Variants in ADAM23 observed in about 807,000 individuals in gnomAD.
ADAM23 encodes ADAM metallopeptidase domain 23, also known as disintegrin and metalloproteinase domain-containing protein 23.
Under a neutral mutation model 120.1 loss-of-function variants are expected in ADAM23, and 33 were observed. The ratio of observed to expected loss-of-function variants is 0.27; its 90% CI spans 0.21 to 0.37. The LOEUF is 0.37. Ranked by LOEUF, ADAM23 falls within the 10% of genes least tolerant of loss-of-function variation. ADAM23 has a pLI of 1.00. For synonymous variants in ADAM23, 367 were observed against 375.2 expected, an observed-to-expected ratio of 0.98 and a Z score of 0.25; for missense variants, 862 against 1,058.2, an observed-to-expected ratio of 0.81 and a Z score of 2.57.
chr2:206,589,367 GA>G (rs1338401985), intron 20 of ADAM23, 41 bp from the exon 21 acceptor site: 2 of 1,558,062 alleles, frequency 1.3e-6, no homozygotes, highest in East Asian at 4.6e-5. Context: ...GGATAACAAA[GA>G]AAATGAAAAT....
At chr2:206,508,077 T>G (rs533287337) in intron 3 of ADAM23, among the ~76,000 whole-genome samples, 4 of 152,286 alleles carry the variant, frequency 2.6e-5, no homozygotes, top group South Asian at 2.1e-4. Flanking sequence ...TTTCCCAGGC[T>G]GGAGTGCAGT....
At chr2:206,475,239 C>T (rs371368514) in intron 2 of ADAM23, among the ~76,000 whole-genome samples, 83 of 152,266 alleles carry the variant, frequency 5.5e-4, no homozygotes, top group African/African-American at 1.9e-3. Context: ...TATCATAACA[C>T]AAACCTGTGC....
At position 206,547,519 on chromosome 2, in the gene ADAM23, A is replaced by G. The variant is rs760764236; in HGVS notation, c.793+18A>G. 1.1e-5 allele frequency: 17 copies of G among 1,585,248 alleles called. No individual in the cohort carries two copies. The highest frequency in any genetic ancestry group is 1.2e-5 in the Non-Finnish European group (14 of 1,156,104). ...GAATCTCAGTAAGTTTTAACTAAAA[A>G]TAGCGATTATATTTTATGTAGTATG... On this transcript the variant is annotated intron_variant, in intron 7 of 25. Coordinates refer to ENST00000264377, the MANE Select transcript of ADAM23 (RefSeq NM_003812.4).
At chr2:206,571,198 G>A (rs556115559) in intron 16 of ADAM23, among the ~76,000 whole-genome samples, 21 of 152,318 alleles carry the variant, frequency 1.4e-4, no homozygotes, top group Admixed American at 1.2e-3. Flanking sequence ...TTTCTCGGCC[G>A]GGCGCGGTGG....
intron 25 of ADAM23, among the ~76,000 whole-genome samples, chr2:206,610,265 CT>C (rs1239048067): frequency 1.3e-5 from 2 of 152,168 alleles, no homozygotes; most frequent in African/African-American, 4.8e-5. Context: ...GACAGTCCAG[CT>C]TGTAAGAGCA....
chr2:206,459,290 A>T (rs1343114852), intron 2 of ADAM23, among the ~76,000 whole-genome samples: 3 of 152,172 alleles, frequency 2.0e-5, no homozygotes, highest in Non-Finnish European at 4.4e-5. Flanking sequence ...TGGTTTGTTA[A>T]ACAGTTTTTG....
chr2:206,584,690 T>G (rs1384750858), intron 18 of ADAM23, among the ~76,000 whole-genome samples: 1 of 152,104 alleles, frequency 6.6e-6, no homozygotes, highest in Non-Finnish European at 1.5e-5. Context: ...AAAAGGGCTT[T>G]AGTTCTTCCC....
rs76273165 is a variant in ADAM23, at chr2:206,489,147, C to T, written c.509+7839C>T. Among the ~76,000 whole-genome samples, 1,256 of 152,338 alleles carry T rather than the reference C, an allele frequency of 8.2e-3. 20 individuals carry two copies. The highest frequency in any genetic ancestry group is 0.029 in the African/African-American group (1,192 of 41,570). On this transcript the variant is annotated intron_variant, in intron 3 of 25. Coordinates refer to ENST00000264377, the MANE Select transcript of ADAM23 (RefSeq NM_003812.4). The stretch of plus-strand genomic sequence containing the variant: ...GTAAGACCAGGACAGGAGTCAGGAG[C>T]TGTGGCTGGGGACAGCTTGAGGCAC...
At chr2:206,452,868 G>A (rs865792838) in intron 2 of ADAM23, among the ~76,000 whole-genome samples, 1 of 152,004 alleles carries the variant, frequency 6.6e-6, no homozygotes, top group Non-Finnish European at 1.5e-5. Flanking sequence ...AAGTCTTGAC[G>A]TGTCTCCCAT....
intron 2 of ADAM23, among the ~76,000 whole-genome samples, chr2:206,468,341 A>G (rs1291854283): frequency 6.6e-6 from 1 of 152,204 alleles, no homozygotes; most frequent in African/African-American, 2.4e-5. Flanking sequence ...GCATATGAGC[A>G]TAAGTTGTTT....
chr2:206,621,079 A>C lies in ADAM23; in HGVS notation c.*3452A>C, dbSNP rs915738909. 1 of 152,198 alleles carries C rather than the reference A, an allele frequency of 6.6e-6. No individual in the cohort carries two copies. The highest frequency in any genetic ancestry group is 1.9e-4 in the East Asian group (1 of 5,194). The allele number at this position is 152,198 out of a possible 1,614,324, so 9.4% of individuals were successfully genotyped here. Reference sequence around the variant, plus strand: ...GCCTATGAATGGAGATTCAGTAGTCATTGTATGCATCTTTAAGTCAAATGT... The same window carrying C: ...GCCTATGAATGGAGATTCAGTAGTCCTTGTATGCATCTTTAAGTCAAATGT... On this transcript the variant is annotated 3_prime_UTR_variant, in exon 26 of 26. Coordinates refer to ENST00000264377, the MANE Select transcript of ADAM23 (RefSeq NM_003812.4).
chr2:206,516,307 A>G (rs73983047), intron 3 of ADAM23, among the ~76,000 whole-genome samples: 58 of 152,192 alleles, frequency 3.8e-4, no homozygotes, highest in African/African-American at 1.3e-3. Flanking sequence ...GGAAAAAAAT[A>G]AAGATAATGT....
rs1359501526 is a variant in ADAM23 at position 206,587,359 on chromosome 2, C to A, written c.1772C>A (p.Ala591Glu). 1 of 1,606,712 alleles carries A rather than the reference C, an allele frequency of 6.2e-7. No homozygotes were observed. The highest frequency in any genetic ancestry group is 1.7e-5 in the Admixed American group (1 of 59,128). The change falls in exon 19 of 26, where the codon GCA (alanine) becomes GAA (glutamate). Residue 591 changes from alanine to glutamate, a missense_variant. Around this residue, in one of 4 missense-constraint regions of ADAM23, gnomAD observed 617 missense variants for 813.5 expected, o/e 0.76. Coordinates refer to ENST00000264377, the MANE Select transcript of ADAM23 (RefSeq NM_003812.4). The part of the protein sequence containing the change: ...PPNLHKQDGY[A>E]CNQNQGRCYN... ...AATCTTCATAAGCAAGACGGATATG[C>A]ATGCAATCAAAATCAGGTATGCTGG...
chr2:206,570,773 G>A lies in ADAM23; in HGVS notation c.1528G>A (p.Val510Met), dbSNP rs540276873. 21 of 1,613,878 alleles carry A rather than the reference G, an allele frequency of 1.3e-5. No homozygotes were observed. The highest frequency in any genetic ancestry group is 4.4e-5 in the South Asian group (4 of 91,086). ...FEPTECGNGY[V>M]EAGEECDCGF... ...GCCCACGGAATGTGGAAATGGATAC[G>A]TGGAAGCTGGGGAGGAGTGTGATTG... is the stretch of plus-strand genomic sequence containing the variant. The change falls in exon 16 of 26, where the codon GTG (valine) becomes ATG (methionine). Residue 510 changes from valine (V) to methionine (M), a missense_variant. Val to Met is a conservative substitution (Grantham distance 21). Around this residue, in one of 4 missense-constraint regions of ADAM23, gnomAD observed 617 missense variants for 813.5 expected, o/e 0.76. Coordinates refer to ENST00000264377, the MANE Select transcript of ADAM23 (RefSeq NM_003812.4).
intron 18 of ADAM23, among the ~76,000 whole-genome samples, chr2:206,584,382 G>A (rs1344161805): frequency 6.6e-6 from 1 of 152,218 alleles, no homozygotes; most frequent in African/African-American, 2.4e-5. Context: ...CTGTAGTAGT[G>A]TGGAGAGGGA....
At chr2:206,533,499 G>A (rs1183099416) in intron 4 of ADAM23, among the ~76,000 whole-genome samples, 4 of 152,138 alleles carry the variant, frequency 2.6e-5, no homozygotes, top group Admixed American at 2.6e-4. Flanking sequence ...CACCGTGCCC[G>A]GCTCAAAGAT....
rs1384843858 is a variant in ADAM23 at position 206,619,889 on chromosome 2, A to T, written c.*2262A>T. On this transcript the variant is annotated 3_prime_UTR_variant, in exon 26 of 26. Coordinates refer to ENST00000264377, the MANE Select transcript of ADAM23 (RefSeq NM_003812.4). ...TTTTGTAATAACAGGGCTATCTACAAGGCCTCTCAGCCTTACTCCTGGCTT... is the reference window on the plus strand; with the variant it reads ...TTTTGTAATAACAGGGCTATCTACATGGCCTCTCAGCCTTACTCCTGGCTT... 6.6e-6 allele frequency: 1 copy of T among 152,226 alleles called. No individual in the cohort carries two copies. The highest frequency in any genetic ancestry group is 2.1e-4 in the South Asian group (1 of 4,822). The allele number at this position is 152,226 out of a possible 1,614,324, so 9.4% of individuals were successfully genotyped here.
At chr2:206,483,695 A>G (rs773989310) in intron 3 of ADAM23, among the ~76,000 whole-genome samples, 3 of 152,190 alleles carry the variant, frequency 2.0e-5, no homozygotes, top group African/African-American at 7.2e-5. Context: ...CTACTGGCAC[A>G]TGCTGTGGAA....
chr2:206,544,716 C>T (rs1271905498), intron 6 of ADAM23, among the ~76,000 whole-genome samples: 3 of 151,506 alleles, frequency 2.0e-5, no homozygotes, highest in African/African-American at 7.3e-5. Context: ...GGGTTCACGC[C>T]ATTCTCCTGC....
Sources: gnomAD v4.1 joint callset for allele counts (sites outside exome capture counted in the v4.1 genomes callset) on GRCh38, gnomAD v4.1.1 for gene constraint, gnomAD v4.1.1 regional missense constraint, MANE v1.5 for transcripts, NCBI Gene and HGNC (gene_info 2026-07-23, HGNC 2026-07-21) for gene names.